NRCAM: variants seen among roughly 807,000 people sequenced by gnomAD.
NRCAM encodes the protein NgCAM-related cell adhesion molecule.
In NRCAM, 83 loss-of-function variants were observed where a neutral mutation model predicts 156.5. The ratio of observed to expected loss-of-function variants is 0.53; its 90% CI spans 0.44 to 0.64. NRCAM has a LOEUF of 0.64. Among genes scored for constraint, NRCAM ranks in the 30% least tolerant of loss-of-function variants. The pLI is 0.00. For synonymous variants in NRCAM, 538 were observed against 563.9 expected (o/e 0.95, Z 0.65); for missense variants, 1,417 against 1,597.3 (o/e 0.89, Z 1.92).
At chr7:108,241,190 G>A (rs76031583) in intron 3 of NRCAM, among the ~76,000 whole-genome samples, 3,334 of 152,256 alleles carry the variant, frequency 0.022, 134 homozygotes, top group African/African-American at 0.075. Flanking sequence ...TAAATAGACT[G>A]TGTGTATACA....
chr7:108,258,781 A>G (rs754188329), intron 3 of NRCAM, among the ~76,000 whole-genome samples: 2 of 152,200 alleles, frequency 1.3e-5, no homozygotes, highest in Non-Finnish European at 2.9e-5. Flanking sequence ...AAAGCCTAAC[A>G]AACAAGCACT....
At chr7:108,425,005 GA>G (rs1411146699) in intron 1 of NRCAM, among the ~76,000 whole-genome samples, 5 of 152,250 alleles carry the variant, frequency 3.3e-5, no homozygotes, top group South Asian at 2.1e-4. Context: ...GCATAGATAA[GA>G]AGTTAATTCA....
chr7:108,428,390 A>G (rs6466230), intron 1 of NRCAM, among the ~76,000 whole-genome samples: 136,901 of 152,246 alleles, frequency 0.9, 62,033 homozygotes, highest in East Asian at 1. Context: ...TCCATGATAC[A>G]TATTTTAACA....
In NRCAM at chr7:108,420,228, A is replaced by G. The variant is rs903842823; in HGVS notation, c.-331-20635T>C. On this transcript the variant is annotated intron_variant, in intron 1 of 32. Transcript: ENST00000379028. Reference sequence around the variant, plus strand: ...ATGAATATCTTGACTGTCATCAAAAATATCTCTTTAGTAGATATTACTATA... The same window carrying G: ...ATGAATATCTTGACTGTCATCAAAAGTATCTCTTTAGTAGATATTACTATA... Among the ~76,000 whole-genome samples the G allele has an allele frequency of 2.6e-5, 4 of 152,280 alleles. No individual in the cohort carries two copies. In the East Asian group the frequency reaches 7.7e-4, roughly 29 times the overall value.
chr7:108,357,529 C>A (rs1238487145), intron 2 of NRCAM, among the ~76,000 whole-genome samples: 1 of 152,092 alleles, frequency 6.6e-6, no homozygotes, highest in African/African-American at 2.4e-5. Flanking sequence ...CAAGGTTTCA[C>A]CACACTGGCC....
At chr7:108,373,184 A>C (rs1387622738) in intron 2 of NRCAM, among the ~76,000 whole-genome samples, 1 of 152,156 alleles carries the variant, frequency 6.6e-6, no homozygotes, top group African/African-American at 2.4e-5. Flanking sequence ...GCGATTGCCA[A>C]GGGGTGGAAG....
At chr7:108,400,562 A>G (rs2154395098) in intron 1 of NRCAM, among the ~76,000 whole-genome samples, 1 of 152,360 alleles carries the variant, frequency 6.6e-6, no homozygotes, top group East Asian at 1.9e-4. Context: ...TTTGCAAAAG[A>G]AAGTCAGGGA....
intron 3 of NRCAM, among the ~76,000 whole-genome samples, chr7:108,243,905 G>T (rs1421869375): frequency 6.6e-6 from 1 of 152,076 alleles, no homozygotes; most frequent in African/African-American, 2.4e-5. Flanking sequence ...GCAATTCAAG[G>T]TTCCCTTATT....
chr7:108,456,030 G>A (rs1857030617), intron 1 of NRCAM, among the ~76,000 whole-genome samples: 1 of 152,160 alleles, frequency 6.6e-6, no homozygotes, highest in Non-Finnish European at 1.5e-5. Context: ...CTCCCTCTCG[G>A]CGCCCGCGGG....
chr7:108,269,146 T>C (rs2097237347), intron 3 of NRCAM, among the ~76,000 whole-genome samples: 1 of 149,876 alleles, frequency 6.7e-6, no homozygotes, highest in Non-Finnish European at 1.5e-5. Context: ...ACTCGAATCA[T>C]GTCTTCGTGC....
At chr7:108,373,787 T>C (rs1371675134) in intron 2 of NRCAM, among the ~76,000 whole-genome samples, 1 of 152,144 alleles carries the variant, frequency 6.6e-6, no homozygotes, top group Non-Finnish European at 1.5e-5. Flanking sequence ...CAACATGCAT[T>C]TGGACTTAAG....
Position 108,191,843 on chromosome 7 carries a change from C to T in NRCAM, c.1789G>A (p.Asp597Asn). ...TCAGCTACCACTAGATGATCCTTGT[C>T]AACAGTGAACCTGTGGATAGAATGC... ...ELPSDERFTVDKDHLVVADVS... is the reference protein window; with the variant it reads ...ELPSDERFTVNKDHLVVADVS... The change falls in exon 18 of 33, where the codon GAC (aspartate) becomes AAC (asparagine). Residue 597 changes from aspartate (D) to asparagine (N), a missense_variant. Asp to Asn is a conservative substitution (Grantham distance 23). Around this residue, in one of 2 missense-constraint regions of NRCAM, gnomAD observed 1,238 missense variants for 1,336.4 expected, o/e 0.93. Transcript: ENST00000379028. 2 of 1,613,364 alleles carry T rather than the reference C, an allele frequency of 1.2e-6. No individual in the cohort carries two copies. The highest frequency in any genetic ancestry group is 8.5e-7 in the Non-Finnish European group (1 of 1,179,924).
chr7:108,251,660 G>A (rs1162036759), intron 3 of NRCAM, among the ~76,000 whole-genome samples: 1 of 152,232 alleles, frequency 6.6e-6, no homozygotes, highest in African/African-American at 2.4e-5. Context: ...GGGAAAGTGA[G>A]TACCAGCCAC....
chr7:108,160,203 T>C (rs779478545), intron 31 of NRCAM, among the ~76,000 whole-genome samples, 158 bp downstream of exon 31: 14 of 152,144 alleles, frequency 9.2e-5, no homozygotes, highest in Admixed American at 3.3e-4. Flanking sequence ...TAGATTGCCA[T>C]TATATAAAAA....
At chr7:108,265,562 A>G (rs2097071549) in intron 3 of NRCAM, among the ~76,000 whole-genome samples, 3 of 152,200 alleles carry the variant, frequency 2.0e-5, no homozygotes, top group African/African-American at 7.2e-5. Flanking sequence ...GGAAACTCCT[A>G]AAGTGCAAAA....
chr7:108,349,858 T>C (rs2099398989), intron 2 of NRCAM, among the ~76,000 whole-genome samples: 2 of 152,158 alleles, frequency 1.3e-5, no homozygotes. Flanking sequence ...AGATTATACA[T>C]ACTGTTCAAA....
At position 108,445,723 on chromosome 7, in the gene NRCAM, G is replaced by A. The variant is rs1375596998; in HGVS notation, c.-332+10520C>T. Among the ~76,000 whole-genome samples the A allele has an allele frequency of 3.3e-5, 5 of 152,158 alleles. 1 individual carries two copies. In the Middle Eastern group the frequency reaches 0.01, roughly 311 times the overall value. On this transcript the variant is annotated intron_variant, in intron 1 of 32. Coordinates refer to ENST00000379028, the MANE Select transcript of NRCAM (RefSeq NM_001037132.4). ...TATGAGCTTTCTTAATCTATGTGTAGTAGCCTAGTTCTTCTCAAATTTTAA... is the reference window on the plus strand; with the variant it reads ...TATGAGCTTTCTTAATCTATGTGTAATAGCCTAGTTCTTCTCAAATTTTAA...
At chr7:108,302,202 T>C (rs1323368731) in intron 3 of NRCAM, among the ~76,000 whole-genome samples, 15 of 152,192 alleles carry the variant, frequency 9.9e-5, no homozygotes, top group African/African-American at 3.6e-4. Flanking sequence ...GGGAATGCTA[T>C]GTACTGTTTT....
chr7:108,432,233 A>C (rs554175046), intron 1 of NRCAM, among the ~76,000 whole-genome samples: 21 of 152,260 alleles, frequency 1.4e-4, no homozygotes, highest in Non-Finnish European at 2.9e-4. Flanking sequence ...TAAGGAATAA[A>C]GAAAAGGTTA....
Sources: allele counts gnomAD v4.1 joint callset (sites outside exome capture counted in the v4.1 genomes callset), GRCh38; gene constraint gnomAD v4.1.1; regional missense constraint gnomAD v4.1.1; transcripts MANE v1.5; gene names NCBI Gene and HGNC (gene_info 2026-07-23, HGNC 2026-07-21).